The following LYRM4 variants were observed in gnomAD, a reference collection of about 807,000 sequenced individuals.
LYRM4 encodes LYR motif containing 4.
A neutral mutation model predicts 11.7 loss-of-function variants in LYRM4; 9 were observed. The ratio of observed to expected loss-of-function variants is 0.77; its 90% CI spans 0.46 to 1.34. The LOEUF is 1.34. Ranked by LOEUF, LYRM4 falls within the 40% of genes most tolerant of loss-of-function variation. The pLI is 0.00. For synonymous variants in LYRM4, 42 were observed against 40.4 expected, an observed-to-expected ratio of 1.04 and a Z score of -0.15; for missense variants, 133 against 112.5, an observed-to-expected ratio of 1.18 and a Z score of -0.82.
intron 2 of LYRM4, among the ~76,000 whole-genome samples, chr6:5,202,991 C>G (rs76291920): frequency 6.6e-5 from 10 of 152,286 alleles, no homozygotes; most frequent in African/African-American, 1.7e-4. Flanking sequence ...GAGAGAACGA[C>G]ATACAACACT....
intron 2 of LYRM4, among the ~76,000 whole-genome samples, chr6:5,140,882 C>T (rs1428722987): frequency 1.3e-5 from 2 of 152,190 alleles, no homozygotes; most frequent in African/African-American, 4.8e-5. Flanking sequence ...TATGCCACTT[C>T]CACCTCCTAA....
chr6:5,177,105 C>T (rs1048748824), intron 2 of LYRM4, among the ~76,000 whole-genome samples: 1 of 152,218 alleles, frequency 6.6e-6, no homozygotes, highest in Admixed American at 6.5e-5. Flanking sequence ...AGTGCGAATA[C>T]AGTTGCACCA....
At chr6:5,189,387 G>A (rs1760621389) in intron 2 of LYRM4, among the ~76,000 whole-genome samples, 1 of 151,682 alleles carries the variant, frequency 6.6e-6, no homozygotes, top group Admixed American at 6.6e-5. Context: ...GTGAGCCTAA[G>A]GTTAGTGCTT....
At chr6:5,135,038 GCTGTGGAGGGTGCGGATCGCTCCCGGGA>G (rs1757009562) in intron 2 of LYRM4, among the ~76,000 whole-genome samples, 7 of 73,636 alleles carry the variant, frequency 9.5e-5, no homozygotes, top group African/African-American at 2.3e-4. Flanking sequence ...CGCTCCCGGG[GCTGTGGAGGGTGCGGATCGCTCCCGGGA>G]CTGTGGAGGG....
At chr6:5,138,564 G>T in intron 2 of LYRM4, 1 of 238,934 alleles carries the variant, frequency 4.2e-6, no homozygotes, top group African/African-American at 5.3e-5. Context: ...TAGCCAGTAA[G>T]AATAATGACT....
Position 5,260,877 on chromosome 6 carries a change from A to G in LYRM4, c.-144T>C. The stretch of plus-strand genomic sequence containing the variant: ...TGCCAGCGGGCCGGGCCTAAGCCTA[A>G]GCGGGCAGCCCTGCGGATCGCGGAC... On this transcript the variant is annotated 5_prime_UTR_variant, in exon 1 of 3. Transcript: ENST00000330636. The G allele has an allele frequency of 1.4e-6, 2 of 1,441,744 alleles. No homozygotes were observed. The highest frequency in any genetic ancestry group is 1.8e-6 in the Non-Finnish European group (2 of 1,103,146). 89.3% of individuals were successfully genotyped at this position (1,441,744 alleles called of 1,614,324 possible). A position where few individuals can be genotyped will look rare whatever the true frequency, so the allele number is the denominator to read the frequency against.
At chr6:5,089,433 T>C in the LYRM4 span, 1 of 152,222 alleles carries the variant, frequency 6.6e-6, no homozygotes, top group Non-Finnish European at 1.5e-5. Context: ...ACATTTTGAA[T>C]TGTTTTGAAT....
intron 1 of LYRM4, among the ~76,000 whole-genome samples, chr6:5,252,435 G>A (rs1235751319): frequency 1.3e-5 from 2 of 152,128 alleles, no homozygotes; most frequent in Non-Finnish European, 1.5e-5. Flanking sequence ...ATTTAGCTCA[G>A]TCCAACACTT....
rs147297283 is a variant in LYRM4 at position 5,218,182 on chromosome 6, C to T, written c.87-1444G>A. On this transcript the variant is annotated intron_variant, in intron 1 of 2. Coordinates refer to ENST00000330636, the MANE Select transcript of LYRM4 (RefSeq NM_020408.6). ...TTAGCATCTCAAGGAGCTAGGATTA[C>T]AAGCACACACCACAGTGCCTGGCTC... 8.8e-4 allele frequency: 782 copies of T among 888,778 alleles called. 18 individuals carry two copies. In the Admixed American group the frequency reaches 0.037, roughly 42 times the overall value. The allele number at this position is 888,778 out of a possible 1,614,324, so 55.1% of individuals were successfully genotyped here.
the LYRM4 span, among the ~76,000 whole-genome samples, chr6:5,081,967 T>C: frequency 6.6e-6 from 1 of 152,152 alleles, no homozygotes; most frequent in Admixed American, 6.5e-5. Flanking sequence ...GTGGAGACCC[T>C]GGAGGCTGGT....
intron 1 of LYRM4, among the ~76,000 whole-genome samples, chr6:5,249,272 C>T (rs990782143): frequency 2.0e-5 from 3 of 152,114 alleles, no homozygotes; most frequent in East Asian, 3.9e-4. Context: ...AACCAGTTGG[C>T]CTAAAATTTG....
chr6:5,064,962 C>T, the LYRM4 span, among the ~76,000 whole-genome samples: 1 of 152,076 alleles, frequency 6.6e-6, no homozygotes, highest in African/African-American at 2.4e-5. Flanking sequence ...AATAATGTTA[C>T]GTATCCACCA....
chr6:5,230,062 T>C (rs1763141398), intron 1 of LYRM4, among the ~76,000 whole-genome samples: 1 of 152,180 alleles, frequency 6.6e-6, no homozygotes, highest in African/African-American at 2.4e-5. Context: ...AAATGAAACG[T>C]GTTTAGCTTG....
chr6:5,033,620 C>G, the LYRM4 span: 1 of 152,330 alleles, frequency 6.6e-6, no homozygotes, highest in Admixed American at 6.5e-5. Context: ...GTCTTCCTCT[C>G]TTCAAGCCAC....
chr6:5,064,089 G>A, the LYRM4 span, among the ~76,000 whole-genome samples: 1 of 152,152 alleles, frequency 6.6e-6, no homozygotes, highest in Non-Finnish European at 1.5e-5. Flanking sequence ...CTTGTGTTTG[G>A]CTTTTGGGAG....
intron 2 of LYRM4, among the ~76,000 whole-genome samples, chr6:5,208,482 T>C (rs17139778): frequency 0.14 from 20,712 of 152,298 alleles, 1,715 homozygotes; most frequent in Middle Eastern, 0.21. Flanking sequence ...AAAAGTTTTC[T>C]ATACACAGCA....
At chr6:5,147,625 ATTCCTT>A (rs1248565616) in intron 2 of LYRM4, among the ~76,000 whole-genome samples, 4 of 152,208 alleles carry the variant, frequency 2.6e-5, no homozygotes, top group Non-Finnish European at 5.9e-5. Context: ...TTATACATGG[ATTCCTT>A]TTCATCTTTG....
At chr6:5,114,621 G>GTA (rs1404510365) in intron 2 of LYRM4, among the ~76,000 whole-genome samples, 1 of 152,086 alleles carries the variant, frequency 6.6e-6, no homozygotes, top group African/African-American at 2.4e-5. Flanking sequence ...TAAAGATTCT[G>GTA]TTCTTTCTCT....
the LYRM4 span, chr6:5,089,299 A>G: frequency 1.3e-5 from 2 of 152,232 alleles, no homozygotes; most frequent in African/African-American, 4.8e-5. Flanking sequence ...CATTTCTTAA[A>G]AGTACATTAT....
Sources: allele counts gnomAD v4.1 joint callset (sites outside exome capture counted in the v4.1 genomes callset), GRCh38; gene constraint gnomAD v4.1.1; transcripts MANE v1.5; gene names NCBI Gene and HGNC (gene_info 2026-07-23, HGNC 2026-07-21).